SYNPR: variants seen among roughly 807,000 people sequenced by gnomAD.
The protein encoded by SYNPR is synaptoporin.
SYNPR carries 23 observed loss-of-function variants against 32.9 expected under a neutral mutation model. That is an observed-to-expected ratio of 0.70 (90% CI 0.50 to 0.99). The LOEUF is 0.99. SYNPR is among the 50% of genes least tolerant of loss of function. The pLI, the probability that SYNPR is intolerant of heterozygous loss-of-function variation, is 0.00. For missense variants in SYNPR, 318 were observed against 349.3 expected, an observed-to-expected ratio of 0.91 and a Z score of 0.71; for synonymous variants, 146 against 135.9, an observed-to-expected ratio of 1.07 and a Z score of -0.52.
chr3:63,444,290 T>C (rs1366779589), intron 2 of SYNPR: 1 of 152,248 alleles, frequency 6.6e-6, no homozygotes, highest in Non-Finnish European at 1.5e-5. Flanking sequence ...TGCGTTCTTT[T>C]TGTTCGAGAG....
chr3:63,561,008 T>A lies in SYNPR; in HGVS notation c.408+4267T>A, dbSNP rs529384841. On this transcript the variant is annotated intron_variant, in intron 4 of 5. Coordinates refer to ENST00000478300, the MANE Select transcript of SYNPR (RefSeq NM_001130003.2). ...ACCAAACACACACTTTAAAAAAAAT[T>A]TATGTAATTTGTGATTCTTCAAGTC... Among the ~76,000 whole-genome samples the A allele has an allele frequency of 5.2e-4, 79 of 152,300 alleles. 1 individual carries two copies. The South Asian group carries it at 0.015, about 28-fold the overall frequency.
In SYNPR at chr3:63,616,724, G is replaced by C. The variant is rs553378818; in HGVS notation, c.*1243G>C. On this transcript the variant is annotated 3_prime_UTR_variant, in exon 6 of 6. Coordinates refer to ENST00000478300, the MANE Select transcript of SYNPR (RefSeq NM_001130003.2). ...AGCTGAAACACCAGGACCCAATAGA[G>C]AGGGCAAGCTGAGCATCTGTATTTC... 16 of 152,586 alleles carry C rather than the reference G, an allele frequency of 1.0e-4. No homozygotes were observed. Among genetic ancestry groups the C allele is most frequent in the South Asian group, 8.3e-4 (4 of 4,832 alleles). The allele number at this position is 152,586 out of a possible 1,614,324, so 9.5% of individuals were successfully genotyped here.
At chr3:63,392,265 A>G (rs1376920122) in intron 2 of SYNPR, among the ~76,000 whole-genome samples, 3 of 152,194 alleles carry the variant, frequency 2.0e-5, no homozygotes, top group Non-Finnish European at 2.9e-5. Context: ...GTTTTCAGAA[A>G]TGCTACTTCT....
At chr3:63,393,142 T>C (rs2088162049) in intron 2 of SYNPR, among the ~76,000 whole-genome samples, 1 of 152,210 alleles carries the variant, frequency 6.6e-6, no homozygotes, top group Admixed American at 6.5e-5. Context: ...AAAGCACTCA[T>C]TGAAAAAGTT....
chr3:63,367,370 T>TTTATTTATTTATTTAA (rs1282964343), intron 2 of SYNPR, among the ~76,000 whole-genome samples: 1 of 151,204 alleles, frequency 6.6e-6, no homozygotes, highest in African/African-American at 2.4e-5. Context: ...TATTTATTTA[T>TTTATTTATTTATTTAA]TTAATTTTAG....
At chr3:63,413,573 A>G (rs1004285419) in intron 2 of SYNPR, among the ~76,000 whole-genome samples, 1 of 152,220 alleles carries the variant, frequency 6.6e-6, no homozygotes, top group African/African-American at 2.4e-5. Flanking sequence ...AAAAATCAAG[A>G]AAAGACCCTT....
At chr3:63,436,358 G>A (rs1700085473) in intron 2 of SYNPR, among the ~76,000 whole-genome samples, 1 of 114,714 alleles carries the variant, frequency 8.7e-6, no homozygotes, top group South Asian at 2.8e-4. Context: ...ACAGGCCCCA[G>A]TATGTGACGT....
At chr3:63,496,295 G>A (rs1172479229) in intron 3 of SYNPR, among the ~76,000 whole-genome samples, 1 of 151,734 alleles carries the variant, frequency 6.6e-6, no homozygotes, top group Non-Finnish European at 1.5e-5. Flanking sequence ...TATTTTACAA[G>A]TCATTTTTAT....
At chr3:63,579,769 G>A (rs925735646) in intron 4 of SYNPR, among the ~76,000 whole-genome samples, 1 of 147,242 alleles carries the variant, frequency 6.8e-6, no homozygotes, top group African/African-American at 2.5e-5. Flanking sequence ...TCTGAGGTTG[G>A]TTCCTCATAT....
chr3:63,202,966 T>C, the SYNPR span, among the ~76,000 whole-genome samples: 1 of 151,360 alleles, frequency 6.6e-6, no homozygotes, highest in Non-Finnish European at 1.5e-5. Context: ...CTTTAATCTA[T>C]GGTAGCTGGA....
intron 4 of SYNPR, among the ~76,000 whole-genome samples, chr3:63,567,507 G>A (rs2106842173): frequency 6.6e-6 from 1 of 152,214 alleles, no homozygotes; most frequent in African/African-American, 2.4e-5. Context: ...CTTGAATCCA[G>A]AACAAGCACA....
chr3:63,588,443 G>C lies in SYNPR; in HGVS notation c.409-20682G>C, dbSNP rs142581895. Among the ~76,000 whole-genome samples, 355 of 152,072 alleles carry C rather than the reference G, an allele frequency of 2.3e-3. 3 individuals carry two copies. The highest frequency in any genetic ancestry group is 1.9e-3 in the Non-Finnish European group (129 of 67,978). ...TATTTATAATGCCCAGATGTTTTGTGTCAAGTAGATACGGCTAGTTGTTAA... is the reference window on the plus strand; with the variant it reads ...TATTTATAATGCCCAGATGTTTTGTCTCAAGTAGATACGGCTAGTTGTTAA... On this transcript the variant is annotated intron_variant, in intron 4 of 5. Transcript: ENST00000478300.
intron 2 of SYNPR, among the ~76,000 whole-genome samples, chr3:63,388,462 A>G (rs1575620090): frequency 7.5e-6 from 1 of 132,734 alleles, no homozygotes; most frequent in Admixed American, 9.4e-5. Context: ...ATCTCGGCTC[A>G]CTGCAACCTC....
At chr3:63,223,892 C>T (rs182911319), upstream of SYNPR, among the ~76,000 whole-genome samples, 117 of 152,182 alleles carry the variant, frequency 7.7e-4, no homozygotes, top group Non-Finnish European at 1.5e-3. Flanking sequence ...TTCTTTTTTT[C>T]CCCACTTCAT....
chr3:63,494,140 AT>A (rs1701311026), intron 3 of SYNPR, among the ~76,000 whole-genome samples: 1 of 151,642 alleles, frequency 6.6e-6, no homozygotes, highest in South Asian at 2.1e-4. Context: ...GGATGTTTTT[AT>A]TTTTTGTTAT....
At chr3:63,599,176 T>G (rs1212539103) in intron 4 of SYNPR, among the ~76,000 whole-genome samples, 1 of 152,150 alleles carries the variant, frequency 6.6e-6, no homozygotes, top group African/African-American at 2.4e-5. Flanking sequence ...GCTGAAAAAG[T>G]CTTATCCCCT....
intron 3 of SYNPR, among the ~76,000 whole-genome samples, chr3:63,524,900 G>A (rs1251930014): frequency 1.4e-5 from 2 of 147,572 alleles, no homozygotes; most frequent in East Asian, 4.0e-4. Flanking sequence ...AGAGAGAGAA[G>A]TCAGCTCATC....
intron 3 of SYNPR, among the ~76,000 whole-genome samples, chr3:63,512,193 T>C (rs765169837): frequency 1.6e-4 from 25 of 152,132 alleles, no homozygotes; most frequent in Non-Finnish European, 2.8e-4. Context: ...GATACACAGG[T>C]CCCAACAGGG....
At chr3:63,504,719 A>T (rs1701550688) in intron 3 of SYNPR, among the ~76,000 whole-genome samples, 1 of 152,188 alleles carries the variant, frequency 6.6e-6, no homozygotes, top group East Asian at 1.9e-4. Context: ...TAATTAGCAA[A>T]TGAAGAGAAA....
Sources: gnomAD v4.1 joint callset for allele counts (sites outside exome capture counted in the v4.1 genomes callset) on GRCh38, gnomAD v4.1.1 for gene constraint, MANE v1.5 for transcripts, NCBI Gene and HGNC (gene_info 2026-07-23, HGNC 2026-07-21) for gene names.